The following COP1 variants were observed in gnomAD, a reference collection of about 807,000 sequenced individuals.
The protein encoded by COP1 is E3 ubiquitin-protein ligase COP1.
In COP1, 24 loss-of-function variants were observed where a neutral mutation model predicts 101.3. That is an observed-to-expected ratio of 0.24 (90% CI 0.17 to 0.33). The LOEUF (loss-of-function observed/expected upper bound fraction) is 0.33. Ranked by LOEUF, COP1 falls within the 10% of genes least tolerant of loss-of-function variation. The pLI is 1.00. For missense variants in COP1, 663 were observed against 906.2 expected, an observed-to-expected ratio of 0.73 and a Z score of 3.45; for synonymous variants, 347 against 341.9, an observed-to-expected ratio of 1.01 and a Z score of -0.17.
At chr1:176,116,953 T>C (rs1686296181) in intron 8 of COP1, among the ~76,000 whole-genome samples, 1 of 152,170 alleles carries the variant, frequency 6.6e-6, no homozygotes, top group South Asian at 2.1e-4. Flanking sequence ...CTATATAGAT[T>C]TACTTGTTTA....
intron 6 of COP1, among the ~76,000 whole-genome samples, chr1:176,145,308 C>T (rs1205076191): frequency 6.6e-6 from 1 of 152,078 alleles, no homozygotes; most frequent in African/African-American, 2.4e-5. Flanking sequence ...AGTGTATATA[C>T]CCCAAGATTA....
At chr1:176,109,827 T>C (rs539414612) in intron 9 of COP1, among the ~76,000 whole-genome samples, 48 of 152,306 alleles carry the variant, frequency 3.2e-4, no homozygotes, top group Admixed American at 3.1e-3. Flanking sequence ...TTATGTTGTA[T>C]ATGGGCTTTT....
intron 15 of COP1, among the ~76,000 whole-genome samples, chr1:175,993,054 G>C (rs910627392): frequency 6.6e-6 from 1 of 152,138 alleles, no homozygotes; most frequent in Admixed American, 6.5e-5. Context: ...AACTTCCAGA[G>C]GAACGATCAG....
intron 9 of COP1, among the ~76,000 whole-genome samples, chr1:176,094,370 A>G (rs933320620): frequency 1.3e-5 from 2 of 151,476 alleles, no homozygotes; most frequent in African/African-American, 4.8e-5. Context: ...TTATTAAATT[A>G]TAAATAATAT....
At chr1:175,995,167 G>C (rs1659817493) in intron 15 of COP1, among the ~76,000 whole-genome samples, 1 of 151,522 alleles carries the variant, frequency 6.6e-6, no homozygotes. Flanking sequence ...ACGAAATGAA[G>C]GCAGAAATAA....
At chr1:176,065,667 C>A (rs1675793238) in intron 11 of COP1, among the ~76,000 whole-genome samples, 1 of 151,412 alleles carries the variant, frequency 6.6e-6, no homozygotes, top group Non-Finnish European at 1.5e-5. Context: ...GAAAGTGTTT[C>A]CCCCACTCCA....
rs532482432 is a variant in COP1, at chr1:176,170,997, C to T, written c.565+4913G>A. Among the ~76,000 whole-genome samples the T allele has an allele frequency of 1.1e-4, 16 of 151,690 alleles. 1 individual carries two copies. Among genetic ancestry groups the T allele is most frequent in the South Asian group, 6.3e-4 (3 of 4,778 alleles). The stretch of plus-strand genomic sequence containing the variant: ...AAAATTAGCCGGGCTTGGTGGTGGG[C>T]GCCTGTAATCCCAGCTACTCAGGAG... On this transcript the variant is annotated intron_variant, in intron 3 of 19. Transcript: ENST00000367669.
chr1:176,188,217 AAG>A (rs1199588592), intron 1 of COP1, among the ~76,000 whole-genome samples: 2 of 152,112 alleles, frequency 1.3e-5, no homozygotes, highest in Admixed American at 1.3e-4. Context: ...AATACTTAGG[AAG>A]AGTACTATCC....
Position 175,994,988 on chromosome 1 carries a change from G to C in COP1, c.1730-5509C>G, listed in dbSNP as rs147572336. ...CACCTATTCCAAAATTGACCACATA[G>C]TTGGAAGTAAAGCTCTCCTCAGCAA... On this transcript the variant is annotated intron_variant, in intron 15 of 19. Coordinates refer to ENST00000367669, the MANE Select transcript of COP1 (RefSeq NM_022457.7). 2.6e-3 allele frequency among the ~76,000 whole-genome samples: 398 copies of C among 152,210 alleles called. 3 individuals carry two copies. The highest frequency in any genetic ancestry group is 9.1e-3 in the African/African-American group (380 of 41,546).
intron 11 of COP1, among the ~76,000 whole-genome samples, chr1:176,047,610 A>AG (rs1671738149): frequency 6.6e-6 from 1 of 152,206 alleles, no homozygotes; most frequent in Non-Finnish European, 1.5e-5. Flanking sequence ...CAAAATGCCT[A>AG]GCTAGTGCTC....
intron 11 of COP1, among the ~76,000 whole-genome samples, chr1:176,066,191 T>C (rs955889610): frequency 6.6e-6 from 1 of 152,176 alleles, no homozygotes; most frequent in East Asian, 1.9e-4. Flanking sequence ...TTATTGCCCT[T>C]TGTTCAAATG....
chr1:176,095,664 G>A (rs1231486389), intron 9 of COP1, among the ~76,000 whole-genome samples: 1 of 150,670 alleles, frequency 6.6e-6, no homozygotes, highest in Non-Finnish European at 1.5e-5. Context: ...GGGTGAGAGG[G>A]CAAGACCCTG....
At chr1:176,091,893 G>T (rs1379721763) in intron 9 of COP1, among the ~76,000 whole-genome samples, 1 of 152,004 alleles carries the variant, frequency 6.6e-6, no homozygotes, top group Admixed American at 6.6e-5. Context: ...ATCTGCCAAA[G>T]AAATACTTAA....
intron 9 of COP1, among the ~76,000 whole-genome samples, chr1:176,112,431 A>C (rs1056394423): frequency 6.6e-6 from 1 of 152,144 alleles, no homozygotes; most frequent in Non-Finnish European, 1.5e-5. Context: ...CTTTTTAGAA[A>C]AGTTGCTATA....
chr1:176,163,078 G>A, intron 4 of COP1, 90 bp from the exon 5 acceptor site: 1 of 1,292,986 alleles, frequency 7.7e-7, no homozygotes, highest in Non-Finnish European at 1.1e-6. Flanking sequence ...TTCCTAATAT[G>A]CTCATTACAT....
intron 8 of COP1, among the ~76,000 whole-genome samples, chr1:176,131,801 A>ATTT (rs1688939690): frequency 6.6e-6 from 1 of 151,782 alleles, no homozygotes; most frequent in South Asian, 2.1e-4. Flanking sequence ...GGGCTACATC[A>ATTT]TTTTTCCCAA....
At chr1:176,081,014 G>T in intron 11 of COP1, 138 bp downstream of exon 11, 2 of 731,378 alleles carry the variant, frequency 2.7e-6, no homozygotes, top group Non-Finnish European at 4.5e-6. Context: ...TCAGGAACTT[G>T]CCTAAAATCA....
intron 6 of COP1, among the ~76,000 whole-genome samples, chr1:176,142,587 G>A (rs1407077392): frequency 6.6e-6 from 1 of 151,956 alleles, no homozygotes; most frequent in Non-Finnish European, 1.5e-5. Flanking sequence ...TGCAACTGCA[G>A]AAAATGCATT....
chr1:176,008,505 T>C, intron 15 of COP1, among the ~76,000 whole-genome samples: 1 of 152,244 alleles, frequency 6.6e-6, no homozygotes, highest in South Asian at 2.1e-4. Context: ...ATAAAGTATA[T>C]TTGTCATATT....
Sources: allele counts gnomAD v4.1 joint callset (sites outside exome capture counted in the v4.1 genomes callset), GRCh38; gene constraint gnomAD v4.1.1; transcripts MANE v1.5; gene names NCBI Gene and HGNC (gene_info 2026-07-23, HGNC 2026-07-21).